The following CUX1 variants were observed in gnomAD, a reference collection of about 807,000 sequenced individuals.
CUX1 encodes cut like homeobox 1.
Under a neutral mutation model 158.8 loss-of-function variants are expected in CUX1, and 31 were observed. The ratio of observed to expected loss-of-function variants is 0.20; its 90% confidence interval spans 0.15 to 0.26. The LOEUF (loss-of-function observed/expected upper bound fraction) is 0.26. Among genes scored for constraint, CUX1 ranks in the 10% least tolerant of loss-of-function variants. The pLI, the probability that CUX1 is intolerant of heterozygous loss-of-function variation, is 1.00. For missense variants in CUX1, 1,589 were observed against 2,014.6 expected (o/e 0.79, Z 4.04); for synonymous variants, 879 against 862.1 (o/e 1.02, Z -0.34).
intron 12 of CUX1, 47 bp downstream of exon 12, chr7:102,189,918 G>T: frequency 6.2e-7 from 1 of 1,600,824 alleles, no homozygotes; most frequent in South Asian, 1.1e-5. Context: ...GGGCGCATTA[G>T]GGCCATCTGC....
At chr7:102,260,570 CTTTTTTTTT>C (rs55642237), downstream of CUX1, among the ~76,000 whole-genome samples, 1 of 51,050 alleles carries the variant, frequency 2.0e-5, no homozygotes, top group Non-Finnish European at 3.2e-5. Context: ...CCACACCTGG[CTTTTTTTTT>C]TTTTTTTTTT....
Position 102,239,591 on chromosome 7 carries a change from C to G in CUX1, c.3887+7C>G. On this transcript the variant is annotated splice_region_variant and intron_variant, in intron 23 of 23. Transcript: ENST00000292535. ...ACTGGTTCCACAACTACAGGTACGA[C>G]GGCTGGCTCACAGGGAGCGCCGGTC... The G allele has an allele frequency of 6.2e-7, 1 of 1,607,870 alleles. No homozygotes were observed. Among genetic ancestry groups the G allele is most frequent in the Admixed American group, 1.7e-5 (1 of 59,854 alleles).
chr7:101,887,842 C>CCTTTTTTTT (rs1562966470), intron 1 of CUX1, among the ~76,000 whole-genome samples: 3 of 135,038 alleles, frequency 2.2e-5, no homozygotes, highest in African/African-American at 2.7e-5. Context: ...ATGACGGTGA[C>CCTTTTTTTT]ATTTTTTTTT....
chr7:101,883,885 C>T (rs148322715), intron 1 of CUX1, among the ~76,000 whole-genome samples: 1 of 148,602 alleles, frequency 6.7e-6, no homozygotes, highest in East Asian at 2.0e-4. Context: ...TGTGAGCCAC[C>T]ATGCCCGGCC....
chr7:101,947,013 C>T (rs953696459), intron 2 of CUX1, among the ~76,000 whole-genome samples: 3 of 152,046 alleles, frequency 2.0e-5, no homozygotes, highest in East Asian at 1.9e-4. Flanking sequence ...GGGACAAAGC[C>T]GATTTGGGTG....
intron 2 of CUX1, among the ~76,000 whole-genome samples, chr7:101,918,182 A>G (rs1804461079): frequency 6.6e-6 from 1 of 152,162 alleles, no homozygotes; most frequent in Non-Finnish European, 1.5e-5. Context: ...ACAGTGGAGG[A>G]GGAGCGTGTC....
intron 2 of CUX1, among the ~76,000 whole-genome samples, chr7:102,016,090 G>C (rs71559445): frequency 0.028 from 4,270 of 152,208 alleles, 87 homozygotes; most frequent in Non-Finnish European, 0.034. Context: ...GGGACGACAG[G>C]CTCATGCCAC....
chr7:102,124,947 A>G (rs1440816837), intron 8 of CUX1, among the ~76,000 whole-genome samples: 1 of 151,864 alleles, frequency 6.6e-6, no homozygotes, highest in Non-Finnish European at 1.5e-5. Flanking sequence ...ACGCCCAGCT[A>G]ATTTTTGTAT....
chr7:102,101,996 T>C (rs1276182490), intron 5 of CUX1, among the ~76,000 whole-genome samples: 1 of 152,102 alleles, frequency 6.6e-6, no homozygotes, highest in East Asian at 1.9e-4. Flanking sequence ...TCAGGCTTTT[T>C]CAGAGCTGAC....
chr7:101,825,753 CTGTGTGTGTGTGTGTG>C (rs537662700), intron 1 of CUX1, among the ~76,000 whole-genome samples: 15 of 129,536 alleles, frequency 1.2e-4, no homozygotes, highest in South Asian at 3.1e-4. Flanking sequence ...TTAATGAAAT[CTGTGTGTGTGTGTGTG>C]TGTGTGTGTG....
At position 101,916,235 on chromosome 7, in the gene CUX1, G is replaced by A. The variant is rs533781388; in HGVS notation, c.141+10G>A. The A allele has an allele frequency of 2.2e-5, 33 of 1,531,802 alleles. No homozygotes were observed. In the South Asian group the frequency reaches 2.8e-4, roughly 13 times the overall value. The allele number at this position is 1,531,802 out of a possible 1,614,324, so 94.9% of individuals were successfully genotyped here. On this transcript the variant is annotated intron_variant, in intron 2 of 23. Transcript: ENST00000292535. The surrounding 1 kb of genome is among the most constrained non-coding windows in gnomAD (Gnocchi z 4.4). ...GAAGAACACTCCAGAGGTGAGGCGC[G>A]TGACCATCGTGTTCGCTTTGAAGGG...
chr7:102,227,135 T>A (rs1406174879), intron 20 of CUX1, among the ~76,000 whole-genome samples: 3 of 152,108 alleles, frequency 2.0e-5, no homozygotes, highest in Admixed American at 2.0e-4. Flanking sequence ...AAGCCTTTCT[T>A]TTAAACCCCT....
At chr7:101,816,807 C>A, upstream of CUX1, 1 of 276,586 alleles carries the variant, frequency 3.6e-6, no homozygotes, top group Non-Finnish European at 5.2e-6. Context: ...GGGCGGGTGG[C>A]CGGGCAGGCG....
intron 2 of CUX1, among the ~76,000 whole-genome samples, chr7:101,971,819 C>T (rs936743909): frequency 3.3e-5 from 5 of 152,166 alleles, no homozygotes; most frequent in African/African-American, 9.7e-5. Flanking sequence ...AGGTATCTTA[C>T]AGCTTAATAG....
At chr7:102,032,970 T>C (rs1283846499) in intron 3 of CUX1, among the ~76,000 whole-genome samples, 1 of 152,148 alleles carries the variant, frequency 6.6e-6, no homozygotes, top group Non-Finnish European at 1.5e-5. Flanking sequence ...GTCTGGCCAA[T>C]CCTTGCTTCT....
chr7:101,912,242 CT>C (rs1476380883), intron 1 of CUX1, among the ~76,000 whole-genome samples: 1 of 131,196 alleles, frequency 7.6e-6, no homozygotes, highest in East Asian at 2.8e-4. Flanking sequence ...CCCCTCCCCC[CT>C]CCCTCCTCCT....
chr7:102,017,387 A>G (rs981843194), intron 2 of CUX1, among the ~76,000 whole-genome samples: 4 of 151,902 alleles, frequency 2.6e-5, no homozygotes, highest in African/African-American at 9.7e-5. Flanking sequence ...CCCCGAACCT[A>G]GCACCATCCT....
At position 102,251,682 on chromosome 7, in the gene CUX1, G is replaced by A. The variant is rs1586449500; in HGVS notation, c.*2640G>A. 2 of 985,250 alleles carry A rather than the reference G, an allele frequency of 2.0e-6. No individual in the cohort carries two copies. The highest frequency in any genetic ancestry group is 2.4e-6 in the Non-Finnish European group (2 of 829,882). The allele number at this position is 985,250 out of a possible 1,614,324, so 61.0% of individuals were successfully genotyped here. On this transcript the variant is annotated 3_prime_UTR_variant, in exon 24 of 24. Coordinates refer to ENST00000292535, the MANE Select transcript of CUX1 (RefSeq NM_181552.4). ...ACATCGGTGACCCTTAGGACAGTGA[G>A]TGGCAGAGCCCTGACGACTGTGGTG...
At chr7:102,246,930 G>C (rs908974101) in intron 23 of CUX1, among the ~76,000 whole-genome samples, 12 of 152,194 alleles carry the variant, frequency 7.9e-5, no homozygotes, top group Non-Finnish European at 1.8e-4. Context: ...ACTTTGGGAG[G>C]CCAAGGCAGC....
Sources: gnomAD v4.1 joint callset for allele counts (sites outside exome capture counted in the v4.1 genomes callset) on GRCh38, gnomAD v4.1.1 for gene constraint, Gnocchi (gnomAD v3.1) non-coding constraint, MANE v1.5 for transcripts, NCBI Gene and HGNC (gene_info 2026-07-23, HGNC 2026-07-21) for gene names.